KYAT3: variants seen among roughly 807,000 people sequenced by gnomAD.
KYAT3 encodes kynurenine--oxoglutarate transaminase 3.
Under a neutral mutation model 59.0 loss-of-function variants are expected in KYAT3, and 50 were observed. The ratio of observed to expected loss-of-function variants is 0.85; its 90% CI spans 0.68 to 1.07. The LOEUF (loss-of-function observed/expected upper bound fraction) is 1.07. Ranked by LOEUF, KYAT3 falls within the 50% of genes least tolerant of loss-of-function variation. The pLI is 0.00. For missense variants in KYAT3, 497 were observed against 533.3 expected (o/e 0.93, Z 0.67); for synonymous variants, 148 against 177.0 (o/e 0.84, Z 1.30).
At chr1:88,952,047 A>G (rs532891614) in intron 10 of KYAT3, among the ~76,000 whole-genome samples, 137 of 152,308 alleles carry the variant, frequency 9.0e-4, no homozygotes, top group African/African-American at 3.2e-3. Context: ...GAACACAGCA[A>G]TGCCAGCACC....
chr1:88,944,357 A>C (rs1675355414), intron 11 of KYAT3, among the ~76,000 whole-genome samples: 1 of 152,212 alleles, frequency 6.6e-6, no homozygotes, highest in Non-Finnish European at 1.5e-5. Flanking sequence ...CACTGAAGAA[A>C]GGTTCACCTG....
intron 2 of KYAT3, among the ~76,000 whole-genome samples, chr1:88,974,870 G>A (rs1011254793): frequency 1.3e-5 from 2 of 152,148 alleles, no homozygotes; most frequent in South Asian, 4.1e-4. Flanking sequence ...TCAGCACTCT[G>A]TAAAATGGAC....
At chr1:88,957,625 TA>T (rs372664439) in intron 8 of KYAT3, among the ~76,000 whole-genome samples, 25 of 152,292 alleles carry the variant, frequency 1.6e-4, no homozygotes, top group African/African-American at 6.0e-4. Context: ...CTGCTACAAA[TA>T]AAAAAATCTA....
rs538282688 is a variant in KYAT3 at position 88,941,624 on chromosome 1, C to T, written c.1302+1381G>A. On this transcript the variant is annotated intron_variant, in intron 13 of 13. Coordinates refer to ENST00000260508, the MANE Select transcript of KYAT3 (RefSeq NM_001008661.3). ...ATAAGAAGTTAGTTAACATTTCTAC[C>T]TGGACGTGCTGGGCTCATGTGATCC... is the stretch of plus-strand genomic sequence containing the variant. Among the ~76,000 whole-genome samples, 12 of 151,984 alleles carry T rather than the reference C, an allele frequency of 7.9e-5. 2 individuals carry two copies. Among genetic ancestry groups the T allele is most frequent in the African/African-American group, 2.9e-4 (12 of 41,448 alleles).
intron 8 of KYAT3, among the ~76,000 whole-genome samples, chr1:88,956,628 T>C (rs1290354460): frequency 6.6e-6 from 1 of 151,814 alleles, no homozygotes; most frequent in Non-Finnish European, 1.5e-5. Flanking sequence ...TAGAAGAGGG[T>C]GTTGAGGGTG....
At chr1:88,973,403 GC>G (rs561097875) in intron 2 of KYAT3, among the ~76,000 whole-genome samples, 37 of 152,198 alleles carry the variant, frequency 2.4e-4, no homozygotes, top group Non-Finnish European at 4.6e-4. Flanking sequence ...CCAAGATTCT[GC>G]AGTAGATGCA....
chr1:88,952,953 C>A, intron 10 of KYAT3, 110 bp downstream of exon 10: 1 of 654,000 alleles, frequency 1.5e-6, no homozygotes, highest in Non-Finnish European at 2.7e-6. Context: ...TATTAGAAGG[C>A]CCTGCAACAG....
At chr1:88,921,466 A>G in the KYAT3 span, among the ~76,000 whole-genome samples, 1 of 152,186 alleles carries the variant, frequency 6.6e-6, no homozygotes, top group Non-Finnish European at 1.5e-5. Context: ...TTTTTATCAT[A>G]TACTCTCTAT....
At chr1:88,961,122 T>C (rs1676121188) in intron 8 of KYAT3, 45 bp downstream of exon 8, 3 of 1,605,580 alleles carry the variant, frequency 1.9e-6, no homozygotes, top group Non-Finnish European at 2.6e-6. Context: ...CTTCCATATG[T>C]GCCCAAACAC....
At chr1:88,941,393 C>T (rs866033682) in intron 13 of KYAT3, among the ~76,000 whole-genome samples, 30 of 152,286 alleles carry the variant, frequency 2.0e-4, no homozygotes, top group Middle Eastern at 3.4e-3. Context: ...ATTTTGAAAA[C>T]AGCAGTAACA....
chr1:88,983,027 C>T (rs1335647281), intron 2 of KYAT3: 8 of 1,612,764 alleles, frequency 5.0e-6, no homozygotes, highest in African/African-American at 1.3e-5. Flanking sequence ...ACGATCACGA[C>T]CATATCCATC....
chr1:88,934,312 G>C (rs557112187), downstream of KYAT3, among the ~76,000 whole-genome samples: 5 of 152,186 alleles, frequency 3.3e-5, no homozygotes, highest in South Asian at 4.2e-4. Flanking sequence ...AAATTAGCTA[G>C]GTGTGGTGGC....
At chr1:88,926,667 T>G in the KYAT3 span, among the ~76,000 whole-genome samples, 5 of 152,162 alleles carry the variant, frequency 3.3e-5, no homozygotes, top group African/African-American at 1.2e-4. Context: ...CCACAACGGG[T>G]ATTCAGTAAT....
chr1:88,978,725 G>A (rs1676922482), intron 2 of KYAT3, among the ~76,000 whole-genome samples: 1 of 150,920 alleles, frequency 6.6e-6, no homozygotes, highest in South Asian at 2.1e-4. Flanking sequence ...TGCCCAGGCT[G>A]GTCTCAAACT....
At position 88,983,520 on chromosome 1, in the gene KYAT3, T is replaced by C. The variant is rs547981605; in HGVS notation, c.99+4732A>G. On this transcript the variant is annotated intron_variant, in intron 2 of 13. Coordinates refer to ENST00000260508, the MANE Select transcript of KYAT3 (RefSeq NM_001008661.3). ...GCTCCAAAACCTCTTGGAGGACCTCTACTTCTTGGAGGTGGGGGCGGTCCA... is the reference window on the plus strand; with the variant it reads ...GCTCCAAAACCTCTTGGAGGACCTCCACTTCTTGGAGGTGGGGGCGGTCCA... 218 of 1,614,242 alleles carry C rather than the reference T, an allele frequency of 1.4e-4. 3 individuals are homozygous for C. The South Asian group carries it at 2.4e-3, about 18-fold the overall frequency.
intron 5 of KYAT3, among the ~76,000 whole-genome samples, chr1:88,963,016 C>A (rs1341388684): frequency 6.7e-6 from 1 of 148,300 alleles, no homozygotes. Flanking sequence ...ATATTTATTG[C>A]GTCCTCACTA....
chr1:88,978,248 C>A lies in KYAT3; in HGVS notation c.100-8781G>T, dbSNP rs887981948. On this transcript the variant is annotated intron_variant, in intron 2 of 13. Transcript: ENST00000260508. ...GATCTTAAAAAGAAACTGTTATGTT[C>A]TTTCCTAGCTTTTTTGCTTTTTCTT... Among the ~76,000 whole-genome samples, 11 of 152,084 alleles carry A rather than the reference C, an allele frequency of 7.2e-5. 1 individual carries two copies. The highest frequency in any genetic ancestry group is 6.6e-4 in the Admixed American group (10 of 15,242).
chr1:88,934,226 G>C (rs558398279), downstream of KYAT3, among the ~76,000 whole-genome samples: 1 of 152,160 alleles, frequency 6.6e-6, no homozygotes, highest in African/African-American at 2.4e-5. Context: ...AGGCTGAGGC[G>C]GGCGGATCAC....
At chr1:88,989,763 T>A (rs1028375046) in intron 1 of KYAT3, among the ~76,000 whole-genome samples, 1 of 152,202 alleles carries the variant, frequency 6.6e-6, no homozygotes, top group Non-Finnish European at 1.5e-5. Context: ...TGCCCCTAAA[T>A]CTAAGTCTAC....
Sources: allele counts gnomAD v4.1 joint callset (sites outside exome capture counted in the v4.1 genomes callset), GRCh38; gene constraint gnomAD v4.1.1; transcripts MANE v1.5; gene names NCBI Gene and HGNC (gene_info 2026-07-23, HGNC 2026-07-21).